The following PRKN variants were observed in gnomAD, a reference collection of about 807,000 sequenced individuals.
PRKN encodes the protein E3 ubiquitin-protein ligase parkin.
In PRKN, 56 loss-of-function variants were observed where a neutral mutation model predicts 59.5. That is an observed-to-expected ratio of 0.94 (90% CI 0.76 to 1.18). PRKN has a LOEUF of 1.18. PRKN is among the 50% of genes most tolerant of loss of function. PRKN has a pLI of 0.00. For synonymous variants in PRKN, 250 were observed against 222.1 expected (o/e 1.13, Z -1.12); for missense variants, 657 against 596.4 (o/e 1.10, Z -1.06).
rs991459107 is a variant in PRKN, at chr6:161,588,494, C to T, written c.872-19078G>A. ...TGAAGCAATTTAAGGATATTTGCAA[C>T]AAACAAGTTGGTTTGCTGGTGTTGC... is the stretch of plus-strand genomic sequence containing the variant. On this transcript the variant is annotated intron_variant, in intron 7 of 11. Transcript: ENST00000366898. This position sits in a 1 kb window ranked among gnomAD's most constrained non-coding sequence, Gnocchi z 5.0. 6.6e-6 allele frequency among the ~76,000 whole-genome samples: 1 copy of T among 151,814 alleles called. No homozygotes were observed. Among genetic ancestry groups the T allele is most frequent in the Admixed American group, 6.6e-5 (1 of 15,212 alleles).
chr6:162,234,921 A>G (rs1391778845), intron 3 of PRKN, among the ~76,000 whole-genome samples: 2 of 152,230 alleles, frequency 1.3e-5, no homozygotes, highest in Non-Finnish European at 2.9e-5. Context: ...AGTGGGTGGT[A>G]AGTGATATTA....
Position 162,228,329 on chromosome 6 carries a change from A to T in PRKN, c.413-27077T>A, listed in dbSNP as rs118166658. 2.4e-3 allele frequency among the ~76,000 whole-genome samples: 368 copies of T among 152,300 alleles called. 2 individuals carry two copies. The highest frequency in any genetic ancestry group is 2.9e-3 in the Non-Finnish European group (195 of 68,022). ...GTGGAAAATAGAAATCTGGAGCACT[A>T]CATTTTAGATGCAAAGCATAAGTGG... is the stretch of plus-strand genomic sequence containing the variant. On this transcript the variant is annotated intron_variant, in intron 3 of 11. Coordinates refer to ENST00000366898, the MANE Select transcript of PRKN (RefSeq NM_004562.3).
At chr6:162,510,501 AG>A (rs1777555418) in intron 1 of PRKN, among the ~76,000 whole-genome samples, 1 of 152,206 alleles carries the variant, frequency 6.6e-6, no homozygotes, top group African/African-American at 2.4e-5. Context: ...CCGAGGAAGC[AG>A]GGACTGCTCT....
intron 1 of PRKN, among the ~76,000 whole-genome samples, chr6:162,574,116 C>T (rs1006936272): frequency 2.6e-5 from 4 of 152,126 alleles, no homozygotes; most frequent in Non-Finnish European, 5.9e-5. Context: ...TCAACAGTGG[C>T]GGGGCTGCTG....
At chr6:161,406,931 C>T (rs912890728) in intron 9 of PRKN, among the ~76,000 whole-genome samples, 2 of 152,144 alleles carry the variant, frequency 1.3e-5, no homozygotes, top group African/African-American at 4.8e-5. Context: ...GGCACTGCTG[C>T]TACGGGTAAG....
At chr6:162,105,026 G>A (rs1014243878) in intron 4 of PRKN, among the ~76,000 whole-genome samples, 1 of 152,188 alleles carries the variant, frequency 6.6e-6, no homozygotes, top group Non-Finnish European at 1.5e-5. Flanking sequence ...TGGAGGCATA[G>A]CTTACGTATC....
At chr6:162,108,403 T>C (rs1337811201) in intron 4 of PRKN, among the ~76,000 whole-genome samples, 1 of 152,234 alleles carries the variant, frequency 6.6e-6, no homozygotes, top group Non-Finnish European at 1.5e-5. Flanking sequence ...GTATTTACTA[T>C]AATTATGCAT....
intron 1 of PRKN, among the ~76,000 whole-genome samples, chr6:162,514,857 TTTTC>T (rs1273773251): frequency 6.6e-6 from 1 of 152,176 alleles, no homozygotes; most frequent in African/African-American, 2.4e-5. Flanking sequence ...AAACTATAAT[TTTTC>T]TTTAATTAAA....
chr6:161,395,728 A>G lies in PRKN; in HGVS notation c.1084-8851T>C, dbSNP rs1786724886. 6.6e-6 allele frequency among the ~76,000 whole-genome samples: 1 copy of G among 152,196 alleles called. No individual in the cohort carries two copies. Among genetic ancestry groups the G allele is most frequent in the African/African-American group, 2.4e-5 (1 of 41,444 alleles). On this transcript the variant is annotated intron_variant, in intron 9 of 11. Transcript: ENST00000366898. The surrounding 1 kb of genome is among the most constrained non-coding windows in gnomAD (Gnocchi z 5.0). ...ACCACAGAGTTGTGTTCCTAGCCAA[A>G]GCAATTACTCTGACCACGTTTAAGT... is the stretch of plus-strand genomic sequence containing the variant.
chr6:162,187,868 CA>C (rs1362024753), intron 4 of PRKN, among the ~76,000 whole-genome samples: 1 of 152,082 alleles, frequency 6.6e-6, no homozygotes, highest in Non-Finnish European at 1.5e-5. Context: ...GTTGAAGCTA[CA>C]AAAGGTTTGT....
rs78432651 is a variant in PRKN at position 162,096,461 on chromosome 6, C to T, written c.535-42287G>A. Among the ~76,000 whole-genome samples, 40 of 152,244 alleles carry T rather than the reference C, an allele frequency of 2.6e-4. No homozygotes were observed. In the East Asian group the frequency reaches 6.2e-3, roughly 24 times the overall value. On this transcript the variant is annotated intron_variant, in intron 4 of 11. Transcript: ENST00000366898. ...AAGCACTCCTATTTCAAGGACTAACCGTACTATAGCTGGTGATATGGTTTG... is the reference window on the plus strand; with the variant it reads ...AAGCACTCCTATTTCAAGGACTAACTGTACTATAGCTGGTGATATGGTTTG...
intron 2 of PRKN, among the ~76,000 whole-genome samples, chr6:162,378,853 T>C (rs915036034): frequency 6.6e-6 from 1 of 152,146 alleles, no homozygotes; most frequent in Non-Finnish European, 1.5e-5. Flanking sequence ...TCCTCAAAAA[T>C]GCCCCCAAAT....
chr6:161,885,458 A>G (rs1443057957), intron 6 of PRKN, among the ~76,000 whole-genome samples: 3 of 152,040 alleles, frequency 2.0e-5, no homozygotes, highest in Non-Finnish European at 4.4e-5. Context: ...AGGTCAGGAG[A>G]TAGAGACCAT....
intron 2 of PRKN, among the ~76,000 whole-genome samples, chr6:162,287,043 A>C: frequency 6.6e-6 from 1 of 152,222 alleles, no homozygotes. Context: ...ATTTGGAAGC[A>C]CTTAAGATGA....
At chr6:162,081,052 C>T (rs1343493345) in intron 4 of PRKN, among the ~76,000 whole-genome samples, 1 of 152,112 alleles carries the variant, frequency 6.6e-6, no homozygotes, top group Non-Finnish European at 1.5e-5. Context: ...GTCATGTCTT[C>T]AGCCTCCACT....
chr6:161,860,426 C>T (rs1022966770), intron 6 of PRKN, among the ~76,000 whole-genome samples: 2 of 152,148 alleles, frequency 1.3e-5, no homozygotes, highest in African/African-American at 4.8e-5. Flanking sequence ...ATTAATATCC[C>T]ACTTAAATCT....
chr6:162,672,265 AATTTC>A (rs1448749863), intron 1 of PRKN, among the ~76,000 whole-genome samples: 1 of 152,190 alleles, frequency 6.6e-6, no homozygotes, highest in Non-Finnish European at 1.5e-5. Context: ...GCTTCCTGGA[AATTTC>A]ATTTAAATAA....
At chr6:161,585,817 C>T (rs1438634403) in intron 7 of PRKN, among the ~76,000 whole-genome samples, 1 of 152,140 alleles carries the variant, frequency 6.6e-6, no homozygotes, top group Admixed American at 6.6e-5. Flanking sequence ...GAGGACTTGA[C>T]ACAGCAGAAG....
intron 4 of PRKN, among the ~76,000 whole-genome samples, chr6:162,065,909 T>C (rs1404116358): frequency 6.6e-6 from 1 of 152,240 alleles, no homozygotes; most frequent in African/African-American, 2.4e-5. Flanking sequence ...CACATCCTTT[T>C]TTATGACTGC....
Sources: allele counts gnomAD v4.1 joint callset (sites outside exome capture counted in the v4.1 genomes callset), GRCh38; gene constraint gnomAD v4.1.1; non-coding constraint Gnocchi (gnomAD v3.1); transcripts MANE v1.5; gene names NCBI Gene and HGNC (gene_info 2026-07-23, HGNC 2026-07-21).